THSD7B: variants seen among roughly 807,000 people sequenced by gnomAD.
THSD7B encodes the protein thrombospondin type-1 domain-containing protein 7B.
A neutral mutation model predicts 213.6 loss-of-function variants in THSD7B; 138 were observed. That is an observed-to-expected ratio of 0.65 (90% confidence interval 0.56 to 0.74). The LOEUF is 0.74. Among genes scored for constraint, THSD7B ranks in the 30% least tolerant of loss-of-function variants. The pLI is 0.00. For missense variants in THSD7B, 1,931 were observed against 1,991.5 expected (o/e 0.97, Z 0.58); for synonymous variants, 742 against 687.0 (o/e 1.08, Z -1.25).
intron 5 of THSD7B, among the ~76,000 whole-genome samples, chr2:137,155,782 G>A (rs1679899471): frequency 6.6e-6 from 1 of 152,322 alleles, no homozygotes; most frequent in Admixed American, 6.5e-5. Context: ...AAGGTATAAA[G>A]GGTTTAAAGT....
intron 1 of THSD7B, among the ~76,000 whole-genome samples, chr2:136,861,693 G>A (rs1456130131): frequency 6.6e-6 from 1 of 152,212 alleles, no homozygotes; most frequent in Non-Finnish European, 1.5e-5. Flanking sequence ...AGGAGGTCTA[G>A]AGAAATTGAA....
At chr2:137,103,285 G>A (rs1688183978) in intron 4 of THSD7B, among the ~76,000 whole-genome samples, 1 of 152,154 alleles carries the variant, frequency 6.6e-6, no homozygotes, top group South Asian at 2.1e-4. Context: ...GCTAAACTAA[G>A]CTTCATAAGT....
At chr2:137,135,290 C>A (rs1200106823) in intron 5 of THSD7B, among the ~76,000 whole-genome samples, 1 of 152,146 alleles carries the variant, frequency 6.6e-6, no homozygotes, top group African/African-American at 2.4e-5. Context: ...TACACAGGCA[C>A]AGTTTCTTCT....
At chr2:137,117,265 G>A (rs185399255) in intron 5 of THSD7B, among the ~76,000 whole-genome samples, 193 of 152,234 alleles carry the variant, frequency 1.3e-3, no homozygotes, top group Non-Finnish European at 1.9e-3. Context: ...ATTTATAGAT[G>A]TACCTTGACA....
At chr2:137,331,800 G>A (rs1400761510) in intron 12 of THSD7B, among the ~76,000 whole-genome samples, 2 of 152,190 alleles carry the variant, frequency 1.3e-5, no homozygotes, top group African/African-American at 4.8e-5. Context: ...CAGCGCTCGT[G>A]GGCTGGTACT....
At chr2:137,325,506 A>C (rs1684350036) in intron 12 of THSD7B, among the ~76,000 whole-genome samples, 1 of 152,046 alleles carries the variant, frequency 6.6e-6, no homozygotes, top group Non-Finnish European at 1.5e-5. Flanking sequence ...CATCAGCTTC[A>C]TGACCTGTAA....
At position 137,616,224 on chromosome 2, in the gene THSD7B, C is replaced by T; in HGVS notation, c.3473C>T (p.Pro1158Leu). Residue 1158 changes from proline (P) to leucine (L), a missense_variant, in exon 18 of 28, where the codon CCA (proline) becomes CTA (leucine). Transcript: ENST00000409968. ...AGAAGAACTCGCCACCTGCTAAGAC[C>T]ATCACTGAACTCAAGGACTTGTGCT... is the stretch of plus-strand genomic sequence containing the variant. ...MQRRTRHLLR[P>L]SLNSRTCAED... 1 of 1,613,806 alleles carries T rather than the reference C, an allele frequency of 6.2e-7. No homozygotes were observed. The highest frequency in any genetic ancestry group is 8.5e-7 in the Non-Finnish European group (1 of 1,179,768).
intron 7 of THSD7B, among the ~76,000 whole-genome samples, chr2:137,199,102 A>G (rs2105022330): frequency 6.6e-6 from 1 of 152,226 alleles, no homozygotes; most frequent in Non-Finnish European, 1.5e-5. Flanking sequence ...AAATTGGGTA[A>G]ATAGTGGTGC....
intron 2 of THSD7B, among the ~76,000 whole-genome samples, chr2:136,952,295 ACT>A (rs1412755688): frequency 3.3e-5 from 5 of 152,146 alleles, no homozygotes; most frequent in African/African-American, 1.2e-4. Flanking sequence ...TATAGAAATA[ACT>A]TAAATTGTTA....
At chr2:137,053,882 T>C (rs1687113219) in intron 2 of THSD7B, among the ~76,000 whole-genome samples, 1 of 152,216 alleles carries the variant, frequency 6.6e-6, no homozygotes. Flanking sequence ...TCAAGATTAA[T>C]TTTAGATTTT....
In THSD7B at chr2:137,056,997, T is replaced by C; in HGVS notation, c.717T>C (p.Tyr239=). The C allele has an allele frequency of 1.2e-6, 2 of 1,613,954 alleles. No individual in the cohort carries two copies. Among genetic ancestry groups the C allele is most frequent in the Non-Finnish European group, 1.7e-6 (2 of 1,179,878 alleles). The change falls in exon 3 of 28, where the codon TAT becomes TAC. Residue 239 remains tyrosine, a synonymous_variant. Coordinates refer to ENST00000409968, the MANE Select transcript of THSD7B (RefSeq NM_001316349.2). ...CCTGTCCTCTTGGGGAAGAGGAATA[T>C]ACATTTAGCCTTAAGGTTGGACCAT... ...PISCPLGEEE[Y]TFSLKVGPWS...
chr2:137,272,437 CT>C, intron 10 of THSD7B, 95 bp from the exon 11 acceptor site: 1 of 1,309,178 alleles, frequency 7.6e-7, no homozygotes, highest in Non-Finnish European at 1.0e-6. Flanking sequence ...CATGTGCTTA[CT>C]TTATCTCTCT....
chr2:137,115,695 A>G (rs1361425207), intron 5 of THSD7B, among the ~76,000 whole-genome samples: 3 of 152,172 alleles, frequency 2.0e-5, no homozygotes, highest in African/African-American at 7.2e-5. Context: ...CTGCAAACAT[A>G]TTCCTTTCAA....
At chr2:137,646,478 C>G (rs923440188) in intron 21 of THSD7B, among the ~76,000 whole-genome samples, 2 of 115,502 alleles carry the variant, frequency 1.7e-5, no homozygotes, top group Admixed American at 1.9e-4. Flanking sequence ...CCCATCTCTA[C>G]TACAAATACA....
chr2:137,089,245 GGTGTGTGT>G (rs70975799), intron 3 of THSD7B, among the ~76,000 whole-genome samples: 1,929 of 126,766 alleles, frequency 0.015, 23 homozygotes, highest in Non-Finnish European at 0.023. Context: ...TAAAGAAAGT[GGTGTGTGT>G]GTGTGTGTGT....
chr2:136,814,544 G>A lies in THSD7B; in HGVS notation c.-36+48857G>A, dbSNP rs374808827. The stretch of plus-strand genomic sequence containing the variant: ...CTCCTGAGTAGCTGGGACTACAGGC[G>A]CCTGCCACCACGCCTGGCTAATTTT... On this transcript the variant is annotated intron_variant, in intron 1 of 27. Coordinates refer to ENST00000409968, the MANE Select transcript of THSD7B (RefSeq NM_001316349.2). Among the ~76,000 whole-genome samples, 122 of 152,058 alleles carry A rather than the reference G, an allele frequency of 8.0e-4. No homozygotes were observed. In the South Asian group the frequency reaches 0.01, roughly 13 times the overall value.
At chr2:137,245,504 C>A (rs186346536) in intron 10 of THSD7B, among the ~76,000 whole-genome samples, 1 of 152,286 alleles carries the variant, frequency 6.6e-6, no homozygotes, top group African/African-American at 2.4e-5. Context: ...TGCCTTTCCC[C>A]TGGAATGCTG....
intron 1 of THSD7B, among the ~76,000 whole-genome samples, chr2:136,805,689 G>T (rs1486606680): frequency 6.6e-6 from 1 of 152,188 alleles, no homozygotes; most frequent in African/African-American, 2.4e-5. Context: ...CTGCTGATTG[G>T]GTTTGGCTAG....
intron 10 of THSD7B, among the ~76,000 whole-genome samples, chr2:137,255,591 T>G (rs1038002031): frequency 6.6e-6 from 1 of 152,160 alleles, no homozygotes; most frequent in Non-Finnish European, 1.5e-5. Flanking sequence ...CCTCCTTTAC[T>G]TCCCTTTAGC....
Sources: gnomAD v4.1 joint callset for allele counts (sites outside exome capture counted in the v4.1 genomes callset) on GRCh38, gnomAD v4.1.1 for gene constraint, MANE v1.5 for transcripts, NCBI Gene and HGNC (gene_info 2026-07-23, HGNC 2026-07-21) for gene names.